The following ANLN variants were observed in gnomAD, a reference collection of about 807,000 sequenced individuals.
The protein encoded by ANLN is anillin.
ANLN carries 59 observed loss-of-function variants against 135.1 expected under a neutral mutation model. That is an observed-to-expected ratio of 0.44 (90% CI 0.35 to 0.54). The LOEUF (loss-of-function observed/expected upper bound fraction) is 0.54, where lower values mean the gene tolerates loss of function less well. Ranked by LOEUF, ANLN falls within the 20% of genes least tolerant of loss-of-function variation. The pLI, the probability that ANLN is intolerant of heterozygous loss-of-function variation, is 0.00. For missense variants in ANLN, 1,182 were observed against 1,340.0 expected, an observed-to-expected ratio of 0.88 and a Z score of 1.84; for synonymous variants, 406 against 456.4, an observed-to-expected ratio of 0.89 and a Z score of 1.41.
In ANLN at chr7:36,423,861, G is replaced by A. The variant is rs200824984; in HGVS notation, c.2521G>A (p.Glu841Lys). ...YYLIILKAGA[E>K]NMVATPLAST... is the part of the protein sequence containing the mutation. Reference sequence around the variant, plus strand: ...CTTAATTATACTAAAAGCAGGAGCTGAAAATATGGTAGCCACACCATTAGC... The same window carrying A: ...CTTAATTATACTAAAAGCAGGAGCTAAAAATATGGTAGCCACACCATTAGC... Residue 841 changes from glutamate (E) to lysine (K), a missense_variant, in exon 15 of 24, where the codon GAA becomes AAA. Physicochemically the swap from Glu to Lys is moderately conservative, Grantham distance 56 (BLOSUM62 1). Transcript: ENST00000265748. 3.8e-4 allele frequency: 620 copies of A among 1,612,376 alleles called. 2 individuals are homozygous for A. The East Asian group carries it at 8.2e-3, about 21-fold the overall frequency.
chr7:36,396,549 A>G (rs778427828), intron 2 of ANLN, 130 bp downstream of exon 2: 18 of 803,368 alleles, frequency 2.2e-5, no homozygotes, highest in Non-Finnish European at 3.3e-5. Flanking sequence ...CTCTGGGGGA[A>G]ATAACAGCCT....
Position 36,453,740 on chromosome 7 carries a change from ATATAT to A in ANLN, c.*1142_*1146del, listed in dbSNP as rs1362809706. On this transcript the variant is annotated 3_prime_UTR_variant, in exon 24 of 24. Transcript: ENST00000265748. ...ATTTTTTCTTGTGCATATTATAAAA[ATATAT>A]TTTATGAGCTCTTACTCAAATAAAT... is the stretch of plus-strand genomic sequence containing the variant. 1 of 152,612 alleles carries A rather than the reference ATATAT, an allele frequency of 6.6e-6. No individual in the cohort carries two copies. The highest frequency in any genetic ancestry group is 2.4e-5 in the African/African-American group (1 of 41,440). 9.5% of individuals were successfully genotyped at this position (152,612 alleles called of 1,614,324 possible). A position where few individuals can be genotyped will look rare whatever the true frequency, so the allele number is the denominator to read the frequency against.
chr7:36,423,691 T>G, intron 14 of ANLN, 126 bp from the exon 15 acceptor site: 1 of 928,206 alleles, frequency 1.1e-6, no homozygotes, highest in Non-Finnish European at 1.5e-6. Context: ...TTGATTTTAG[T>G]AATTTTAAAA....
chr7:36,410,772 G>A (rs1453597495), intron 6 of ANLN, 68 bp downstream of exon 6: 3 of 1,447,562 alleles, frequency 2.1e-6, no homozygotes, highest in African/African-American at 1.4e-5. Context: ...ATCAAAATGG[G>A]TTCTGATGCC....
intron 8 of ANLN, 56 bp downstream of exon 8, chr7:36,415,940 G>A (rs180716559): frequency 7.5e-4 from 1,056 of 1,406,248 alleles, no homozygotes; most frequent in Non-Finnish European, 9.3e-4. Flanking sequence ...TGATGTTTGT[G>A]TGTTGATTTT....
chr7:36,431,630 ATATT>A (rs1788334302), intron 20 of ANLN, among the ~76,000 whole-genome samples: 2 of 124,782 alleles, frequency 1.6e-5, no homozygotes, highest in Non-Finnish European at 3.3e-5. Flanking sequence ...ATATATATAT[ATATT>A]ACCATTTTAT....
At chr7:36,405,508 A>G (rs1787150090) in intron 3 of ANLN, among the ~76,000 whole-genome samples, 1 of 152,226 alleles carries the variant, frequency 6.6e-6, no homozygotes, top group South Asian at 2.1e-4. Context: ...TTTGTGGAGT[A>G]GGAAGTGCTA....
At chr7:36,390,409 C>T (rs1412249886) in intron 1 of ANLN, 5 of 295,082 alleles carry the variant, frequency 1.7e-5, no homozygotes, top group African/African-American at 8.6e-5. Flanking sequence ...GAATGCCCTG[C>T]AGGGCGGGGT....
At chr7:36,412,418 T>A (rs1787462990) in intron 7 of ANLN, among the ~76,000 whole-genome samples, 1 of 148,704 alleles carries the variant, frequency 6.7e-6, no homozygotes, top group Admixed American at 6.8e-5. Flanking sequence ...AACCTCCACC[T>A]CCCGGCTTCA....
intron 22 of ANLN, among the ~76,000 whole-genome samples, chr7:36,447,525 C>G (rs532077301): frequency 1.9e-4 from 28 of 150,368 alleles, no homozygotes; most frequent in African/African-American, 5.6e-4. Context: ...CCCGGGTTCA[C>G]GCCATTCTCC....
At chr7:36,397,280 A>G (rs963518230) in intron 2 of ANLN, among the ~76,000 whole-genome samples, 3 of 152,192 alleles carry the variant, frequency 2.0e-5, no homozygotes, top group Non-Finnish European at 4.4e-5. Context: ...AATACATTAC[A>G]TATTATATGG....
chr7:36,424,204 A>G (rs1270555947), intron 15 of ANLN, among the ~76,000 whole-genome samples: 2 of 152,152 alleles, frequency 1.3e-5, no homozygotes, highest in Non-Finnish European at 2.9e-5. Flanking sequence ...TGGACCATAG[A>G]TTTTTAACAT....
intron 3 of ANLN, among the ~76,000 whole-genome samples, chr7:36,405,531 TCCCTATATACATG>T (rs1396797228): frequency 1.3e-5 from 2 of 152,194 alleles, no homozygotes; most frequent in Non-Finnish European, 2.9e-5. Flanking sequence ...AACCTTGGCT[TCCCTATATACATG>T]CCCTAGGGAA....
intron 7 of ANLN, among the ~76,000 whole-genome samples, chr7:36,411,498 G>A (rs936903228): frequency 6.6e-6 from 1 of 152,118 alleles, no homozygotes; most frequent in African/African-American, 2.4e-5. Flanking sequence ...TTTTCTCAAT[G>A]ATGACTGTAT....
intron 20 of ANLN, chr7:36,428,291 A>T: frequency 1.6e-6 from 2 of 1,250,886 alleles, no homozygotes; most frequent in Non-Finnish European, 1.0e-6. Context: ...TCTGTCTCTT[A>T]TTTTGTCTGT....
intron 20 of ANLN, among the ~76,000 whole-genome samples, chr7:36,436,013 G>A (rs79610161): frequency 0.12 from 17,894 of 151,566 alleles, 1,112 homozygotes; most frequent in South Asian, 0.14. Flanking sequence ...CTATTCAGTG[G>A]CATTTAGTAC....
intron 9 of ANLN, among the ~76,000 whole-genome samples, chr7:36,418,808 C>T (rs1787754232): frequency 6.6e-6 from 1 of 151,432 alleles, no homozygotes. Flanking sequence ...GGCTAGAGCG[C>T]AATGGCACAA....
chr7:36,427,757 T>A (rs905362309), intron 20 of ANLN, among the ~76,000 whole-genome samples: 1 of 152,226 alleles, frequency 6.6e-6, no homozygotes. Context: ...CTTACGAATC[T>A]AAGAGATTTC....
intron 7 of ANLN, among the ~76,000 whole-genome samples, chr7:36,415,391 GT>G (rs1787596894): frequency 7.5e-6 from 1 of 133,958 alleles, no homozygotes; most frequent in East Asian, 2.2e-4. Flanking sequence ...CTTTCACTTT[GT>G]TTTTTTATTG....
Sources: allele counts gnomAD v4.1 joint callset (sites outside exome capture counted in the v4.1 genomes callset), GRCh38; gene constraint gnomAD v4.1.1; transcripts MANE v1.5; gene names NCBI Gene and HGNC (gene_info 2026-07-23, HGNC 2026-07-21).